Variants in ABCB1 observed in about 807,000 individuals in gnomAD.
ABCB1 encodes the protein ATP-dependent translocase ABCB1.
A neutral mutation model predicts 142.0 loss-of-function variants in ABCB1; 69 were observed. The ratio of observed to expected loss-of-function variants is 0.49; its 90% confidence interval spans 0.40 to 0.59. The LOEUF (loss-of-function observed/expected upper bound fraction) is 0.59. ABCB1 is among the 20% of genes least tolerant of loss of function. ABCB1 has a pLI of 0.00. For synonymous variants in ABCB1, 532 were observed against 539.2 expected (o/e 0.99, Z 0.18); for missense variants, 1,326 against 1,554.7 (o/e 0.85, Z 2.47).
chr7:87,710,908 C>T (rs150568881), intron 1 of ABCB1, among the ~76,000 whole-genome samples: 28 of 152,314 alleles, frequency 1.8e-4, no homozygotes, highest in African/African-American at 6.3e-4. Context: ...GATTCATACT[C>T]TTTCAACTCT....
upstream of ABCB1, among the ~76,000 whole-genome samples, chr7:87,601,411 T>C (rs1005431127): frequency 8.5e-5 from 13 of 152,342 alleles, no homozygotes; most frequent in African/African-American, 2.9e-4. Flanking sequence ...AAAAGGAAGT[T>C]TTAAAAAATA....
chr7:87,627,593 G>A (rs1820741716), intron 1 of ABCB1: 1 of 152,288 alleles, frequency 6.6e-6, no homozygotes, highest in South Asian at 2.1e-4. Context: ...CCCAAGCTGG[G>A]ACCCTCCTGC....
At chr7:87,545,057 C>G in intron 15 of ABCB1, 58 bp from the exon 16 acceptor site, 2 of 1,505,120 alleles carry the variant, frequency 1.3e-6, no homozygotes, top group Middle Eastern at 1.7e-4. Context: ...CCAATGAAAG[C>G]TAATCACTGA....
At position 87,520,890 on chromosome 7, in the gene ABCB1, C is replaced by T; in HGVS notation, c.2686-14G>A. On this transcript the variant is annotated splice_polypyrimidine_tract_variant and intron_variant, in intron 21 of 27. Coordinates refer to ENST00000622132, the MANE Select transcript of ABCB1 (RefSeq NM_001348946.2). ...TTCAGTAGCGATCTGTAACAGACAG[C>T]ACCGATCACCAAGAGGCACAAGAGT... 6.3e-7 allele frequency: 1 copy of T among 1,596,758 alleles called. No individual in the cohort carries two copies. The highest frequency in any genetic ancestry group is 8.6e-7 in the Non-Finnish European group (1 of 1,164,394).
intron 1 of ABCB1, among the ~76,000 whole-genome samples, chr7:87,620,163 C>T (rs113650290): frequency 4.0e-4 from 59 of 148,922 alleles, no homozygotes; most frequent in African/African-American, 1.3e-3. Context: ...CTTTTTTTTT[C>T]TTTCTTTCTT....
intron 26 of ABCB1, among the ~76,000 whole-genome samples, chr7:87,506,804 G>T (rs904884616): frequency 6.6e-6 from 1 of 152,112 alleles, no homozygotes; most frequent in Non-Finnish European, 1.5e-5. Flanking sequence ...TTTAGTACAG[G>T]GTTGCCTATT....
chr7:87,637,303 A>G (rs1473927915), intron 1 of ABCB1, among the ~76,000 whole-genome samples: 1 of 152,244 alleles, frequency 6.6e-6, no homozygotes, highest in African/African-American at 2.4e-5. Context: ...CTGAGCTAAT[A>G]TCGTACTAAA....
chr7:87,679,752 C>T (rs897594765), intron 1 of ABCB1, among the ~76,000 whole-genome samples: 2 of 149,816 alleles, frequency 1.3e-5, no homozygotes, highest in Non-Finnish European at 3.0e-5. Flanking sequence ...ATATTCTTTT[C>T]GAGGGCAAGT....
At chr7:87,635,543 C>T (rs1584958124) in intron 1 of ABCB1, among the ~76,000 whole-genome samples, 1 of 152,138 alleles carries the variant, frequency 6.6e-6, no homozygotes, top group African/African-American at 2.4e-5. Context: ...TCAACCACTA[C>T]GAGATATGTA....
intron 1 of ABCB1, among the ~76,000 whole-genome samples, chr7:87,669,105 G>C (rs533793222): frequency 6.6e-6 from 1 of 152,086 alleles, no homozygotes; most frequent in Admixed American, 6.5e-5. Flanking sequence ...TTTTCCATGG[G>C]AGTTTGTGCC....
chr7:87,514,155 A>C (rs967685679), intron 25 of ABCB1, among the ~76,000 whole-genome samples: 6 of 152,136 alleles, frequency 3.9e-5, no homozygotes, highest in Non-Finnish European at 8.8e-5. Flanking sequence ...AAAGATTGAA[A>C]ACTCTCTTTT....
chr7:87,629,053 C>T (rs1333551945), intron 1 of ABCB1: 4 of 1,080,454 alleles, frequency 3.7e-6, no homozygotes, highest in African/African-American at 3.3e-5. Flanking sequence ...CCGCCCAGTG[C>T]CCCCGCCTAT....
intron 3 of ABCB1, among the ~76,000 whole-genome samples, chr7:87,587,673 C>T (rs1818814612): frequency 6.6e-6 from 1 of 151,948 alleles, no homozygotes; most frequent in South Asian, 2.1e-4. Context: ...AGATCAATAC[C>T]ATCCTGGCTA....
chr7:87,503,981 A>G lies in ABCB1; in HGVS notation c.*262T>C. 1.9e-6 allele frequency: 1 copy of G among 525,296 alleles called. No homozygotes were observed. Among genetic ancestry groups the G allele is most frequent in the Non-Finnish European group, 3.4e-6 (1 of 296,808 alleles). The allele number at this position is 525,296 out of a possible 1,614,324, so 32.5% of individuals were successfully genotyped here. ...CAGTCCAAATGGGAAAATATAAACA[A>G]AATTACACATTTTATCTTTTAAAAT... On this transcript the variant is annotated 3_prime_UTR_variant, in exon 28 of 28. Transcript: ENST00000622132.
chr7:87,514,972 A>C (rs1815164041), intron 25 of ABCB1, among the ~76,000 whole-genome samples: 3 of 152,154 alleles, frequency 2.0e-5, no homozygotes, highest in Admixed American at 2.0e-4. Flanking sequence ...GTCAGCTGAA[A>C]CCTAAGTACA....
intron 23 of ABCB1, among the ~76,000 whole-genome samples, chr7:87,517,368 C>T (rs1039391536): frequency 5.9e-5 from 9 of 151,996 alleles, no homozygotes; most frequent in Non-Finnish European, 1.3e-4. Context: ...CTCTCTTTCT[C>T]TCTCTCTCTC....
At position 87,705,525 on chromosome 7, in the gene ABCB1, T is replaced by C. The variant is rs17149866; in HGVS notation, c.-331+7636A>G. On this transcript the variant is annotated intron_variant, in intron 1 of 28. Transcript: ENST00000265724. ...CTAGTTTAGCCATAAGACTTAAACATAGCCTAACAATAGAATAAAATATTT... is the reference window on the plus strand; with the variant it reads ...CTAGTTTAGCCATAAGACTTAAACACAGCCTAACAATAGAATAAAATATTT... Among the ~76,000 whole-genome samples, 475 of 152,360 alleles carry C rather than the reference T, an allele frequency of 3.1e-3. 6 individuals carry two copies. The East Asian group carries it at 0.049, about 16-fold the overall frequency.
chr7:87,576,196 A>T (rs1818269190), intron 4 of ABCB1, among the ~76,000 whole-genome samples: 1 of 151,734 alleles, frequency 6.6e-6, no homozygotes. Context: ...TATTGCAGAG[A>T]TTACATTGTA....
chr7:87,624,346 A>T (rs1049932851), intron 1 of ABCB1, among the ~76,000 whole-genome samples: 1 of 152,240 alleles, frequency 6.6e-6, no homozygotes, highest in Non-Finnish European at 1.5e-5. Context: ...ATATTTAAAA[A>T]GTCCACTTCT....
Sources: allele counts gnomAD v4.1 joint callset (sites outside exome capture counted in the v4.1 genomes callset), GRCh38; gene constraint gnomAD v4.1.1; transcripts MANE v1.5; gene names NCBI Gene and HGNC (gene_info 2026-07-23, HGNC 2026-07-21).